Variants in NBEAL2 observed in about 807,000 individuals in gnomAD.
NBEAL2 encodes neurobeachin like 2, also known as neurobeachin-like protein 2.
NBEAL2 carries 160 observed loss-of-function variants against 299.8 expected under a neutral mutation model. The observed-to-expected ratio is 0.53, with a 90% CI of 0.47 to 0.61. The LOEUF is 0.61. Ranked by LOEUF, NBEAL2 falls within the 20% of genes least tolerant of loss-of-function variation. The pLI is 0.00. For synonymous variants in NBEAL2, 1,493 were observed against 1,542.3 expected (o/e 0.97, Z 0.75); for missense variants, 3,112 against 3,649.0 (o/e 0.85, Z 3.79).
At position 46,992,606 on chromosome 3, in the gene NBEAL2, G is replaced by A. The variant is rs2036190266; in HGVS notation, c.1113+51G>A. The stretch of plus-strand genomic sequence containing the variant: ...AGACACCCCCTGGGACTCCCTCTTT[G>A]AGCTTTTCCTGCACTATAGCTGGGG... On this transcript the variant is annotated intron_variant, in intron 10 of 53. Transcript: ENST00000450053. 4.0e-6 allele frequency: 6 copies of A among 1,495,782 alleles called. No individual in the cohort carries two copies. In the Admixed American group the frequency reaches 9.7e-5, roughly 24 times the overall value. The allele number at this position is 1,495,782 out of a possible 1,614,324, so 92.7% of individuals were successfully genotyped here. A position where few individuals can be genotyped will look rare whatever the true frequency, so the allele number is the denominator to read the frequency against.
Position 47,005,781 on chromosome 3 carries a change from C to A in NBEAL2, c.6735C>A (p.Gly2245=), listed in dbSNP as rs779866424. The change falls in exon 42 of 54, where the codon GGC becomes GGA. Residue 2245 remains glycine, a synonymous_variant. Transcript: ENST00000450053. ...GCLQLTNEKV[G]DVVLPPWASS... is the part of the protein sequence containing the mutation. ...TCCAGCTGACCAACGAGAAGGTAGGCGATGTGGTGCTACCCCCGTGGGCCA... is the reference window on the plus strand; with the variant it reads ...TCCAGCTGACCAACGAGAAGGTAGGAGATGTGGTGCTACCCCCGTGGGCCA... 4.3e-6 allele frequency: 7 copies of A among 1,613,328 alleles called. No individual in the cohort carries two copies. The African/African-American group carries it at 8.0e-5, about 18-fold the overall frequency.
At chr3:46,993,840 C>T (rs1449990791) in intron 10 of NBEAL2, 97 bp from the exon 11 acceptor site, 1 of 1,072,744 alleles carries the variant, frequency 9.3e-7, no homozygotes, top group African/African-American at 1.6e-5. Flanking sequence ...TGCCACATGC[C>T]TTGGGGTGCT....
intron 1 of NBEAL2, among the ~76,000 whole-genome samples, chr3:46,981,502 T>C (rs1443866582): frequency 6.6e-6 from 1 of 152,172 alleles, no homozygotes; most frequent in African/African-American, 2.4e-5. Context: ...TCCTGGACTC[T>C]GTGGAGAGGT....
In NBEAL2 at chr3:46,995,606, G is replaced by A. The variant is rs374527787; in HGVS notation, c.1871G>A (p.Arg624Gln). Residue 624 changes from arginine to glutamine, a missense_variant, in exon 13 of 54, where the codon CGA (arginine) becomes CAA (glutamine). Physicochemically the swap from Arg to Gln is conservative, Grantham distance 43. Coordinates refer to ENST00000450053, the MANE Select transcript of NBEAL2 (RefSeq NM_015175.3). ...MDTAPTPAPT[R>Q]PLQRKQLYSF... ...ACAGCACCTACCCCTGCCCCCACCC[G>A]ACCACTCCAGCGAAAGCAGCTGTAC... is the stretch of plus-strand genomic sequence containing the variant. 68 of 1,611,710 alleles carry A rather than the reference G, an allele frequency of 4.2e-5. No homozygotes were observed. The highest frequency in any genetic ancestry group is 3.5e-4 in the Admixed American group (21 of 59,986).
Position 46,995,791 on chromosome 3 carries a change from G to A in NBEAL2, c.1976G>A (p.Arg659Gln), listed in dbSNP as rs567205565. ...AGTLVVAVCT[R>Q]KEYLTMSLPE... ...ACCCTGGTGGTGGCTGTGTGCACAC[G>A]GAAGGAGTATTTGACCATGAGTTTG... The change falls in exon 14 of 54, where the codon CGG becomes CAG. Residue 659 changes from arginine (R) to glutamine (Q), a missense_variant. This residue lies in a region of NBEAL2 where 2,243 missense variants were observed against 2,538.1 expected (regional missense o/e 0.88). Transcript: ENST00000450053. The A allele has an allele frequency of 3.7e-5, 60 of 1,613,836 alleles. No individual in the cohort carries two copies. The highest frequency in any genetic ancestry group is 4.5e-5 in the Non-Finnish European group (53 of 1,179,880).
rs2036808928 is a variant in NBEAL2, at chr3:46,999,702, A to G, written c.3776A>G (p.Asp1259Gly). ...CAGGCTGACCTCAGCGTTCGCCTAG[A>G]CATCTGTCGCCAGGTGAGCATGAGA... ...SLQADLSVRL[D>G]ICRQLFHLIY... Residue 1259 changes from aspartate to glycine, a missense_variant, in exon 26 of 54, where the codon GAC (aspartate) becomes GGC (glycine). Transcript: ENST00000450053. 2 of 1,613,322 alleles carry G rather than the reference A, an allele frequency of 1.2e-6. No homozygotes were observed. The highest frequency in any genetic ancestry group is 4.5e-5 in the East Asian group (2 of 44,868).
rs1005818820 is a variant in NBEAL2 at position 46,996,701 on chromosome 3, G to C, written c.2474-50G>C. On this transcript the variant is annotated intron_variant, in intron 16 of 53. Transcript: ENST00000450053. Reference sequence around the variant, plus strand: ...CTGTGGTCAGGCAGTCTCTGGATGGGGTTTGGCCAGAGGCCTAGCAAGGTC... The same window carrying C: ...CTGTGGTCAGGCAGTCTCTGGATGGCGTTTGGCCAGAGGCCTAGCAAGGTC... The C allele has an allele frequency of 1.9e-6, 3 of 1,587,116 alleles. No individual in the cohort carries two copies. In the African/African-American group the frequency reaches 4.0e-5, roughly 21 times the overall value.
Position 46,999,076 on chromosome 3 carries a change from C to T in NBEAL2, c.3502C>T (p.Arg1168Trp), listed in dbSNP as rs201160179. 1.5e-4 allele frequency: 238 copies of T among 1,589,972 alleles called. No homozygotes were observed. Among genetic ancestry groups the T allele is most frequent in the Non-Finnish European group, 1.9e-4 (223 of 1,168,804 alleles). Residue 1168 changes from arginine (R) to tryptophan (W), a missense_variant, in exon 24 of 54, where the codon CGG becomes TGG. Physicochemically the swap from Arg to Trp is moderately radical, Grantham distance 101. This residue lies in a region of NBEAL2 where 2,243 missense variants were observed against 2,538.1 expected (regional missense o/e 0.88). Coordinates refer to ENST00000450053, the MANE Select transcript of NBEAL2 (RefSeq NM_015175.3). ...CGAAGTGCTACTGGCCCTGCTAGTG[C>T]GGCCAGGGTCACTGCCCCTGCTGCC... ...NLEVLLALLV[R>W]PGSLPLLPDR...
chr3:47,004,312 C>T lies in NBEAL2; in HGVS notation c.6117C>T (p.Leu2039=). ...TQVRNQVYSW[L]LRLRPPSQGY... ...TACGGAACCAGGTGTACTCGTGGCT[C>T]CTGCGCCTACGGCCCCCCTCTCAAG... The change falls in exon 37 of 54, where the codon CTC becomes CTT. Residue 2039 remains leucine (L), a synonymous_variant. Coordinates refer to ENST00000450053, the MANE Select transcript of NBEAL2 (RefSeq NM_015175.3). This position sits in a 1 kb window ranked among gnomAD's most constrained non-coding sequence, Gnocchi z 5.0. 1 of 1,612,222 alleles carries T rather than the reference C, an allele frequency of 6.2e-7. No individual in the cohort carries two copies. The highest frequency in any genetic ancestry group is 1.3e-5 in the African/African-American group (1 of 74,990).
At chr3:46,981,214 G>A (rs1425625570) in intron 1 of NBEAL2, among the ~76,000 whole-genome samples, 1 of 152,132 alleles carries the variant, frequency 6.6e-6, no homozygotes, top group African/African-American at 2.4e-5. Context: ...GGAGGCCGAG[G>A]CGGGCAGATC....
rs1471027167 is a variant in NBEAL2 at position 47,005,952 on chromosome 3, G to A, written c.6808G>A (p.Glu2270Lys). The A allele has an allele frequency of 1.9e-6, 3 of 1,613,662 alleles. No individual in the cohort carries two copies. The highest frequency in any genetic ancestry group is 1.6e-4 in the Middle Eastern group (1 of 6,062). The change falls in exon 43 of 54, where the codon GAG becomes AAG. Residue 2270 changes from glutamate to lysine, a missense_variant. Coordinates refer to ENST00000450053, the MANE Select transcript of NBEAL2 (RefSeq NM_015175.3). ...IQQHRQALES[E>K]YVSAHLHEWI... ...GCTGCCTCCCTACTCTCAGGAGTCG[G>A]AGTATGTGTCTGCACACCTACACGA...
chr3:46,996,800 C>G lies in NBEAL2; in HGVS notation c.2523C>G (p.Leu841=). 6.2e-7 allele frequency: 1 copy of G among 1,612,688 alleles called. No homozygotes were observed. Among genetic ancestry groups the G allele is most frequent in the South Asian group, 1.1e-5 (1 of 91,074 alleles). ...AGCCTGAGGGGGAGCTGCATGAGCT[C>G]AGCACCAGGCTGCTCCTCCATTACT... ...PFKPEGELHE[L]STRLLLHYSP... Residue 841 remains leucine (L), a synonymous_variant, in exon 17 of 54, where the codon CTC becomes CTG. Transcript: ENST00000450053.
At chr3:46,993,848 G>A (rs2036278848) in intron 10 of NBEAL2, 89 bp from the exon 11 acceptor site, 3 of 1,173,788 alleles carry the variant, frequency 2.6e-6, no homozygotes, top group Admixed American at 2.0e-5. Flanking sequence ...GCCTTGGGGT[G>A]CTTGGCTCTG....
In NBEAL2 at chr3:46,996,224, C is replaced by T. The variant is rs752072995; in HGVS notation, c.2152-47C>T. Reference sequence around the variant, plus strand: ...TGAGGAACTGGTTGTAGGCGGAGCCCCAGGTTCTGCTGTGACCTGACCGCT... The same window carrying T: ...TGAGGAACTGGTTGTAGGCGGAGCCTCAGGTTCTGCTGTGACCTGACCGCT... On this transcript the variant is annotated intron_variant, in intron 15 of 53. Coordinates refer to ENST00000450053, the MANE Select transcript of NBEAL2 (RefSeq NM_015175.3). The T allele has an allele frequency of 1.9e-6, 3 of 1,596,788 alleles. No homozygotes were observed. In the South Asian group the frequency reaches 3.3e-5, roughly 18 times the overall value.
Position 46,995,498 on chromosome 3 carries a change from C to T in NBEAL2, c.1763C>T (p.Ala588Val), listed in dbSNP as rs1384873060. The T allele has an allele frequency of 1.9e-6, 3 of 1,612,858 alleles. No individual in the cohort carries two copies. Among genetic ancestry groups the T allele is most frequent in the South Asian group, 1.1e-5 (1 of 91,090 alleles). Residue 588 changes from alanine (A) to valine (V), a missense_variant, in exon 13 of 54, where the codon GCG (alanine) becomes GTG (valine). This residue lies in a region of NBEAL2 where 2,243 missense variants were observed against 2,538.1 expected (regional missense o/e 0.88). Coordinates refer to ENST00000450053, the MANE Select transcript of NBEAL2 (RefSeq NM_015175.3). ...LRYFDLTPSMAGIMVPPVQRW... is the reference protein window; with the variant it reads ...LRYFDLTPSMVGIMVPPVQRW... The stretch of plus-strand genomic sequence containing the variant: ...TACTTTGACCTCACGCCCAGCATGG[C>T]GGGCATCATGGTACCCCCTGTACAG...
At position 46,996,154 on chromosome 3, in the gene NBEAL2, G is replaced by A. The variant is rs531677894; in HGVS notation, c.2151+103G>A. The A allele has an allele frequency of 6.8e-5, 106 of 1,550,436 alleles. No individual in the cohort carries two copies. In the African/African-American group the frequency reaches 1.4e-3, roughly 20 times the overall value. ...CCTTGTGTCCCGTGCTGCCCCACAG[G>A]CCTGACTTTAGCCACTGGGGTCCAT... On this transcript the variant is annotated intron_variant, in intron 15 of 53. Coordinates refer to ENST00000450053, the MANE Select transcript of NBEAL2 (RefSeq NM_015175.3).
chr3:46,991,940 C>T lies in NBEAL2; in HGVS notation c.1026C>T (p.Asn342=). 1 of 1,596,266 alleles carries T rather than the reference C, an allele frequency of 6.3e-7. No homozygotes were observed. Among genetic ancestry groups the T allele is most frequent in the Non-Finnish European group, 8.5e-7 (1 of 1,171,614 alleles). ...AACACCTCACTCGGCTCATTCAGAA[C>T]AGCAAGGTGGGTAGGGCCCAGCCTG... ...CFEHLTRLIQ[N]SKLYLQSRAP... Residue 342 remains asparagine, a synonymous_variant, in exon 9 of 54, where the codon AAC becomes AAT. Coordinates refer to ENST00000450053, the MANE Select transcript of NBEAL2 (RefSeq NM_015175.3). The surrounding 1 kb of genome is among the most constrained non-coding windows in gnomAD (Gnocchi z 6.2).
Position 47,005,295 on chromosome 3 carries a change from C to A in NBEAL2, c.6534C>A (p.Ser2178=). Residue 2178 remains serine, a synonymous_variant, in exon 40 of 54, where the codon TCC becomes TCA. Transcript: ENST00000450053. ...TCATCCGCGTGGAGCCCTTCACCTC[C>A]CTGCACGTCCAGCTGCAAAGTGGCC... is the stretch of plus-strand genomic sequence containing the variant. ...HYLIRVEPFT[S]LHVQLQSGRF... is the part of the protein sequence containing the mutation. 1 of 1,612,860 alleles carries A rather than the reference C, an allele frequency of 6.2e-7. No homozygotes were observed. Among genetic ancestry groups the A allele is most frequent in the Middle Eastern group, 1.6e-4 (1 of 6,062 alleles).
Position 47,009,017 on chromosome 3 carries a change from A to T in NBEAL2, c.8056A>T (p.Met2686Leu). The stretch of plus-strand genomic sequence containing the variant: ...GCTCCCGGCCGCGCCTCCCTTGCCC[A>T]TGAAGGTGGCCATCCGCAGCGTGGC... ...TLLPAAPPLP[M>L]KVAIRSVAVT... is the part of the protein sequence containing the mutation. Residue 2686 changes from methionine (M) to leucine (L), a missense_variant, in exon 53 of 54, where the codon ATG becomes TTG. Physicochemically the swap from Met to Leu is conservative, Grantham distance 15 (BLOSUM62 2). This residue lies in a region of NBEAL2 where 348 missense variants were observed against 381.4 expected (regional missense o/e 0.91). Coordinates refer to ENST00000450053, the MANE Select transcript of NBEAL2 (RefSeq NM_015175.3). 1 of 1,600,384 alleles carries T rather than the reference A, an allele frequency of 6.2e-7. No homozygotes were observed. Among genetic ancestry groups the T allele is most frequent in the Non-Finnish European group, 8.5e-7 (1 of 1,179,768 alleles).
Sources: gnomAD v4.1 joint callset for allele counts (sites outside exome capture counted in the v4.1 genomes callset) on GRCh38, gnomAD v4.1.1 for gene constraint, gnomAD v4.1.1 regional missense constraint, Gnocchi (gnomAD v3.1) non-coding constraint, MANE v1.5 for transcripts, NCBI Gene and HGNC (gene_info 2026-07-23, HGNC 2026-07-21) for gene names.